The following TBC1D22A variants were observed in gnomAD, a reference collection of about 807,000 sequenced individuals.
TBC1D22A encodes putative GTPase activator.
Under a neutral mutation model 60.2 loss-of-function variants are expected in TBC1D22A, and 38 were observed. The ratio of observed to expected loss-of-function variants is 0.63; its 90% CI spans 0.49 to 0.83. The LOEUF (loss-of-function observed/expected upper bound fraction) is 0.83, where lower values mean the gene tolerates loss of function less well. Among genes scored for constraint, TBC1D22A ranks in the 40% least tolerant of loss-of-function variants. The pLI is 0.00. For synonymous variants in TBC1D22A, 302 were observed against 281.7 expected, an observed-to-expected ratio of 1.07 and a Z score of -0.72; for missense variants, 628 against 701.0, an observed-to-expected ratio of 0.90 and a Z score of 1.18.
Position 46,885,732 on chromosome 22 carries a change from G to A in TBC1D22A, c.709-5534G>A, listed in dbSNP as rs561937363. ...TTCCCATCACTGTGGGCAGGGCTAG[G>A]TACCCAACAGAAGGAGCTCTGCGCC... On this transcript the variant is annotated intron_variant, in intron 5 of 12. Transcript: ENST00000337137. 2.8e-4 allele frequency among the ~76,000 whole-genome samples: 42 copies of A among 152,134 alleles called. No individual in the cohort carries two copies. In the East Asian group the frequency reaches 6.8e-3, roughly 25 times the overall value.
intron 5 of TBC1D22A, among the ~76,000 whole-genome samples, chr22:46,888,928 A>C (rs1236415286): frequency 6.6e-6 from 1 of 151,628 alleles, no homozygotes; most frequent in Non-Finnish European, 1.5e-5. Flanking sequence ...CTGGTCTTGA[A>C]CTCCTGACGT....
At chr22:46,766,676 C>T (rs1210516587) in intron 1 of TBC1D22A, among the ~76,000 whole-genome samples, 1 of 152,170 alleles carries the variant, frequency 6.6e-6, no homozygotes, top group African/African-American at 2.4e-5. Context: ...ACTGGGATTA[C>T]AGGCGCCCAC....
intron 8 of TBC1D22A, among the ~76,000 whole-genome samples, chr22:46,973,796 G>A (rs1459444544): frequency 1.3e-5 from 2 of 152,138 alleles, no homozygotes; most frequent in Admixed American, 6.5e-5. Flanking sequence ...TATCTTTGAC[G>A]CACATCTGTG....
intron 4 of TBC1D22A, among the ~76,000 whole-genome samples, chr22:46,819,552 T>C (rs1089347): frequency 0.053 from 8,129 of 152,294 alleles, 742 homozygotes; most frequent in African/African-American, 0.18. Context: ...TTGATTTGCA[T>C]ATGTTGAACC....
intron 4 of TBC1D22A, among the ~76,000 whole-genome samples, chr22:46,866,747 T>TG (rs1201605012): frequency 2.0e-5 from 3 of 152,222 alleles, no homozygotes; most frequent in African/African-American, 7.2e-5. Flanking sequence ...CGACAGCTGA[T>TG]GAGACAGCCC....
At chr22:47,133,058 G>A (rs916584457) in intron 12 of TBC1D22A, among the ~76,000 whole-genome samples, 1 of 152,226 alleles carries the variant, frequency 6.6e-6, no homozygotes, top group African/African-American at 2.4e-5. Flanking sequence ...TCCAAAAATT[G>A]AAGTAGGCAA....
intron 12 of TBC1D22A, among the ~76,000 whole-genome samples, chr22:47,132,575 A>G (rs1361610507): frequency 6.6e-6 from 1 of 152,184 alleles, no homozygotes; most frequent in Non-Finnish European, 1.5e-5. Flanking sequence ...CCCACAGGAC[A>G]TGAGCTGCCT....
At chr22:46,772,067 A>G (rs1322115440) in intron 1 of TBC1D22A, among the ~76,000 whole-genome samples, 1 of 147,364 alleles carries the variant, frequency 6.8e-6, no homozygotes, top group African/African-American at 2.5e-5. Flanking sequence ...ATATATATGT[A>G]TACACACATA....
intron 1 of TBC1D22A, among the ~76,000 whole-genome samples, chr22:46,791,467 C>T (rs142522044): frequency 4.5e-4 from 68 of 152,246 alleles, no homozygotes; most frequent in Admixed American, 7.8e-4. Context: ...TGAGGCCTCA[C>T]CTCTGTGTTC....
Position 46,891,470 on chromosome 22 carries a change from AT to A in TBC1D22A, c.837+77del, listed in dbSNP as rs1287461218. 2.7e-6 allele frequency: 4 copies of A among 1,474,468 alleles called. No homozygotes were observed. The East Asian group carries it at 1.0e-4, about 37-fold the overall frequency. 91.3% of individuals were successfully genotyped at this position (1,474,468 alleles called of 1,614,324 possible). A position where few individuals can be genotyped will look rare whatever the true frequency, so the allele number is the denominator to read the frequency against. Reference sequence around the variant, plus strand: ...TGTGATTTATAGGAGGAAATGTTTTATCAAAACCATGTGGAGTTGGTCAGAG... The same window carrying A: ...TGTGATTTATAGGAGGAAATGTTTTACAAAACCATGTGGAGTTGGTCAGAG... On this transcript the variant is annotated intron_variant, in intron 6 of 12. Transcript: ENST00000337137.
intron 11 of TBC1D22A, among the ~76,000 whole-genome samples, chr22:47,083,702 G>A (rs76850868): frequency 0.024 from 3,677 of 152,220 alleles, 149 homozygotes; most frequent in African/African-American, 0.084. Context: ...AAGATAAATT[G>A]TCATCTTAGG....
In TBC1D22A at chr22:46,793,507, C is replaced by T. The variant is rs947758583; in HGVS notation, c.126C>T (p.Leu42=). Residue 42 remains leucine, a synonymous_variant, in exon 3 of 13, where the codon CTC becomes CTT. Coordinates refer to ENST00000337137, the MANE Select transcript of TBC1D22A (RefSeq NM_014346.5). The stretch of plus-strand genomic sequence containing the variant: ...GACTGCCTTTGCATTGCAGTTTGCT[C>T]AGGTCCACGGCCAAGATGCCGACCA... The part of the protein sequence containing the change: ...PFDPLLHGTL[L]RSTAKMPTTP... 1.2e-6 allele frequency: 2 copies of T among 1,614,176 alleles called. No homozygotes were observed. The highest frequency in any genetic ancestry group is 1.3e-5 in the African/African-American group (1 of 75,074).
intron 8 of TBC1D22A, chr22:46,915,687 C>G: frequency 2.2e-6 from 1 of 456,720 alleles, no homozygotes; most frequent in Non-Finnish European, 4.4e-6. Flanking sequence ...TTTCAGGCAA[C>G]AGCAGACAGA....
intron 8 of TBC1D22A, among the ~76,000 whole-genome samples, chr22:46,965,428 C>G (rs73890515): frequency 1.3e-5 from 2 of 152,210 alleles, no homozygotes; most frequent in African/African-American, 2.4e-5. Context: ...GCCCCCGTCT[C>G]GGTACCGGCT....
intron 8 of TBC1D22A, among the ~76,000 whole-genome samples, chr22:46,941,776 A>ATG (rs1193878023): frequency 7.7e-5 from 11 of 142,462 alleles, no homozygotes; most frequent in African/African-American, 1.5e-4. Context: ...GAATATGTAT[A>ATG]CGGAATATAT....
chr22:47,153,428 G>T (rs2147180304), intron 12 of TBC1D22A, among the ~76,000 whole-genome samples: 1 of 152,226 alleles, frequency 6.6e-6, no homozygotes, highest in South Asian at 2.1e-4. Context: ...CCCTGCCATG[G>T]TGCTCCAAGC....
intron 11 of TBC1D22A, among the ~76,000 whole-genome samples, chr22:47,110,527 G>A (rs947389527): frequency 6.6e-6 from 1 of 152,116 alleles, no homozygotes. Flanking sequence ...TTGGATGTTT[G>A]CTCATTTGTC....
chr22:47,063,854 T>G (rs1419662134), intron 11 of TBC1D22A, among the ~76,000 whole-genome samples: 1 of 152,250 alleles, frequency 6.6e-6, no homozygotes, highest in Non-Finnish European at 1.5e-5. Context: ...TTTGCCTCTG[T>G]CGCTACGTAG....
intron 4 of TBC1D22A, among the ~76,000 whole-genome samples, chr22:46,876,375 C>T (rs1441175998): frequency 6.6e-6 from 1 of 152,226 alleles, no homozygotes; most frequent in Admixed American, 6.5e-5. Flanking sequence ...CATACAAAGA[C>T]CTAGCAATGT....
Sources: gnomAD v4.1 joint callset for allele counts (sites outside exome capture counted in the v4.1 genomes callset) on GRCh38, gnomAD v4.1.1 for gene constraint, MANE v1.5 for transcripts, NCBI Gene and HGNC (gene_info 2026-07-23, HGNC 2026-07-21) for gene names.